GLIS3: variants seen among roughly 807,000 people sequenced by gnomAD.
GLIS3 encodes the protein GLIS family zinc finger 3, also known as zinc finger protein GLIS3.
In GLIS3, 53 loss-of-function variants were observed where a neutral mutation model predicts 78.6. That is an observed-to-expected ratio of 0.67 (90% CI 0.54 to 0.85). GLIS3 has a LOEUF of 0.85. GLIS3 is among the 40% of genes least tolerant of loss of function. GLIS3 has a pLI of 0.00. For synonymous variants in GLIS3, 684 were observed against 509.9 expected, an observed-to-expected ratio of 1.34 and a Z score of -4.60; for missense variants, 1,703 against 1,231.1, an observed-to-expected ratio of 1.38 and a Z score of -5.74.
At chr9:3,984,617 G>C (rs1475651029) in intron 4 of GLIS3, among the ~76,000 whole-genome samples, 1 of 152,178 alleles carries the variant, frequency 6.6e-6, no homozygotes, top group Admixed American at 6.6e-5. Context: ...AGACTTTTGA[G>C]TTAATGTTGA....
chr9:4,246,812 AC>A (rs1179916743), intron 2 of GLIS3, among the ~76,000 whole-genome samples: 2 of 152,208 alleles, frequency 1.3e-5, no homozygotes, highest in African/African-American at 4.8e-5. Context: ...TGGACCCCTG[AC>A]ATAAAACTTT....
intron 8 of GLIS3, among the ~76,000 whole-genome samples, chr9:3,867,534 G>A (rs1350364884): frequency 6.6e-6 from 1 of 152,198 alleles, no homozygotes; most frequent in East Asian, 1.9e-4. Context: ...TAAACATTGA[G>A]AAGTACCAGA....
chr9:4,346,221 A>T (rs13301381), intron 2 of GLIS3, among the ~76,000 whole-genome samples: 13 of 152,146 alleles, frequency 8.5e-5, no homozygotes, highest in East Asian at 5.8e-4. Context: ...TAGGAATCCA[A>T]TAAGATTAGA....
chr9:4,278,162 G>T (rs139315143), intron 2 of GLIS3, among the ~76,000 whole-genome samples: 1 of 152,306 alleles, frequency 6.6e-6, no homozygotes, highest in African/African-American at 2.4e-5. Context: ...AAGATAGTGT[G>T]ACGAAGAACT....
intron 4 of GLIS3, among the ~76,000 whole-genome samples, chr9:4,075,668 A>C (rs560503733): frequency 0.029 from 4,475 of 152,328 alleles, 208 homozygotes; most frequent in African/African-American, 0.1. Flanking sequence ...GGATATTTGC[A>C]AAAGATTTAT....
At chr9:3,885,103 A>G (rs748251078) in intron 7 of GLIS3, among the ~76,000 whole-genome samples, 1 of 152,258 alleles carries the variant, frequency 6.6e-6, no homozygotes, top group Non-Finnish European at 1.5e-5. Context: ...TTCAGGCAAG[A>G]AATTAACTGA....
At chr9:4,468,530 A>T in the GLIS3 span, among the ~76,000 whole-genome samples, 1 of 152,360 alleles carries the variant, frequency 6.6e-6, no homozygotes, top group African/African-American at 2.4e-5. Flanking sequence ...ATATCCAGCC[A>T]AACTAAACTT....
intron 4 of GLIS3, among the ~76,000 whole-genome samples, chr9:4,027,539 A>T (rs943801673): frequency 5.3e-5 from 8 of 152,178 alleles, no homozygotes; most frequent in African/African-American, 1.7e-4. Flanking sequence ...TTGTTCAGTT[A>T]ATCTGTGCAT....
intron 2 of GLIS3, among the ~76,000 whole-genome samples, chr9:4,158,289 T>G (rs754910700): frequency 2.0e-5 from 3 of 152,294 alleles, no homozygotes; most frequent in Middle Eastern, 6.8e-3. Context: ...AAAGAGACGT[T>G]TTCAGTAAAC....
At chr9:4,208,847 T>C (rs1820112522) in intron 2 of GLIS3, among the ~76,000 whole-genome samples, 1 of 152,176 alleles carries the variant, frequency 6.6e-6, no homozygotes, top group African/African-American at 2.4e-5. Context: ...TTGTGTGCCC[T>C]TCAGAGGAGG....
chr9:3,868,627 T>C (rs1820763002), intron 8 of GLIS3, among the ~76,000 whole-genome samples: 1 of 152,246 alleles, frequency 6.6e-6, no homozygotes, highest in Admixed American at 6.5e-5. Context: ...CTGAACTCTT[T>C]GTGGGTGGAT....
chr9:3,923,597 T>C (rs1310830804), intron 6 of GLIS3, among the ~76,000 whole-genome samples: 1 of 151,608 alleles, frequency 6.6e-6, no homozygotes, highest in Non-Finnish European at 1.5e-5. Context: ...TTTTTTTCTC[T>C]ATAGTACAAG....
chr9:4,314,918 G>A (rs986877694), intron 2 of GLIS3, among the ~76,000 whole-genome samples: 3 of 152,194 alleles, frequency 2.0e-5, no homozygotes, highest in African/African-American at 7.2e-5. Context: ...GAATAGTGCT[G>A]GAACTCTCAG....
At chr9:4,154,362 G>C (rs945829410) in intron 2 of GLIS3, among the ~76,000 whole-genome samples, 5 of 152,116 alleles carry the variant, frequency 3.3e-5, no homozygotes, top group African/African-American at 1.2e-4. Context: ...TATGCCACAA[G>C]AAATTCCAGG....
At chr9:4,410,848 T>C in the GLIS3 span, among the ~76,000 whole-genome samples, 1 of 152,218 alleles carries the variant, frequency 6.6e-6, no homozygotes, top group Non-Finnish European at 1.5e-5. Flanking sequence ...CTTTAGCTGA[T>C]CAAGTTCTCT....
At chr9:4,222,608 A>C (rs1419169915) in intron 2 of GLIS3, among the ~76,000 whole-genome samples, 1 of 152,216 alleles carries the variant, frequency 6.6e-6, no homozygotes, top group East Asian at 1.9e-4. Flanking sequence ...TCTAATGTCA[A>C]GTGCGTGCAC....
intron 2 of GLIS3, among the ~76,000 whole-genome samples, chr9:4,209,590 C>T (rs1305246540): frequency 6.6e-6 from 1 of 152,114 alleles, no homozygotes; most frequent in Non-Finnish European, 1.5e-5. Flanking sequence ...ACAGTAATTC[C>T]ATTTCATTTT....
the GLIS3 span, among the ~76,000 whole-genome samples, chr9:4,381,932 G>C: frequency 2.3e-3 from 353 of 152,340 alleles, 1 homozygote; most frequent in African/African-American, 7.9e-3. Flanking sequence ...GCTGTGGCTA[G>C]GGAGACCATC....
chr9:4,441,612 T>G, the GLIS3 span, among the ~76,000 whole-genome samples: 88 of 152,124 alleles, frequency 5.8e-4, no homozygotes, highest in African/African-American at 2.1e-3. Context: ...TTCTTTTCCT[T>G]TTTCTTTTTT....
Sources: allele counts gnomAD v4.1 joint callset (sites outside exome capture counted in the v4.1 genomes callset), GRCh38; gene constraint gnomAD v4.1.1; transcripts MANE v1.5; gene names NCBI Gene and HGNC (gene_info 2026-07-23, HGNC 2026-07-21).